Variants in KHSRP observed in about 807,000 individuals in gnomAD.
The protein encoded by KHSRP is KH-type splicing regulatory protein, also known as far upstream element-binding protein 2.
Under a neutral mutation model 94.9 loss-of-function variants are expected in KHSRP, and 13 were observed. The observed-to-expected ratio is 0.14, with a 90% CI of 0.09 to 0.22. The LOEUF (loss-of-function observed/expected upper bound fraction) is 0.22. Ranked by LOEUF, KHSRP falls within the 10% of genes least tolerant of loss-of-function variation. The pLI, the probability that KHSRP is intolerant of heterozygous loss-of-function variation, is 1.00. For missense variants in KHSRP, 710 were observed against 1,010.0 expected, an observed-to-expected ratio of 0.70 and a Z score of 4.03; for synonymous variants, 495 against 401.4, an observed-to-expected ratio of 1.23 and a Z score of -2.79.
In KHSRP at chr19:6,414,265, C is replaced by A; in HGVS notation, c.*759G>T. ...CCTGCGCTGGCTCAGGCTGGAAGGACGTGCTTGTTAACTGTCTAGCCAGGT... is the reference window on the plus strand; with the variant it reads ...CCTGCGCTGGCTCAGGCTGGAAGGAAGTGCTTGTTAACTGTCTAGCCAGGT... On this transcript the variant is annotated 3_prime_UTR_variant, in exon 19 of 19. Coordinates refer to ENST00000600480, the MANE Select transcript of KHSRP (RefSeq NM_001366299.1). 1.4e-6 allele frequency: 2 copies of A among 1,457,428 alleles called. No individual in the cohort carries two copies. The highest frequency in any genetic ancestry group is 1.4e-5 in the South Asian group (1 of 69,686). 90.3% of individuals were successfully genotyped at this position (1,457,428 alleles called of 1,614,324 possible). A position where few individuals can be genotyped will look rare whatever the true frequency, so the allele number is the denominator to read the frequency against.
intron 15 of KHSRP, 67 bp downstream of exon 15, chr19:6,416,231 T>A: frequency 3.1e-6 from 4 of 1,282,852 alleles, no homozygotes; most frequent in Non-Finnish European, 4.3e-6. Flanking sequence ...GGAAATGGGG[T>A]CTGCTATTCT....
At position 6,418,121 on chromosome 19, in the gene KHSRP, T is replaced by C; in HGVS notation, c.880-42A>G. On this transcript the variant is annotated intron_variant, in intron 9 of 18. Coordinates refer to ENST00000600480, the MANE Select transcript of KHSRP (RefSeq NM_001366299.1). This position sits in a 1 kb window ranked among gnomAD's most constrained non-coding sequence, Gnocchi z 4.3. ...AGCAGCCCCCATGGGTGAGCCCTGC[T>C]GCCCCACACCCCCCCACCTCCTCGG... 2 of 1,567,188 alleles carry C rather than the reference T, an allele frequency of 1.3e-6. No individual in the cohort carries two copies. The highest frequency in any genetic ancestry group is 1.8e-6 in the Non-Finnish European group (2 of 1,138,574).
At position 6,415,252 on chromosome 19, in the gene KHSRP, T is replaced by C; in HGVS notation, c.2016A>G (p.Pro672=). Residue 672 remains proline (P), a synonymous_variant, in exon 19 of 19, where the codon CCA becomes CCG. Coordinates refer to ENST00000600480, the MANE Select transcript of KHSRP (RefSeq NM_001366299.1). ...ATTCCGCCCAGGCGGCACTGTAGTCTGGCTGGGAGCCTGGGGGAGCTCCTG... is the reference window on the plus strand; with the variant it reads ...ATTCCGCCCAGGCGGCACTGTAGTCCGGCTGGGAGCCTGGGGGAGCTCCTG... ...GGPGAPPGSQ[P]DYSAAWAEYY... The C allele has an allele frequency of 6.2e-7, 1 of 1,612,920 alleles. No individual in the cohort carries two copies. Among genetic ancestry groups the C allele is most frequent in the Non-Finnish European group, 8.5e-7 (1 of 1,179,826 alleles).
chr19:6,417,385 C>T lies in KHSRP; in HGVS notation c.1082-298G>A, dbSNP rs188720963. Among the ~76,000 whole-genome samples the T allele has an allele frequency of 2.0e-3, 304 of 152,346 alleles. 1 individual carries two copies. Among genetic ancestry groups the T allele is most frequent in the African/African-American group, 6.7e-3 (279 of 41,582 alleles). ...AAAGCCAGAGGGGCCCTTCTCCCCA[C>T]GGCAGGCAGCTCAGAGACTGCCTGA... On this transcript the variant is annotated intron_variant, in intron 11 of 18. Transcript: ENST00000600480.
intron 4 of KHSRP, 110 bp downstream of exon 4, chr19:6,421,168 G>A: frequency 1.0e-6 from 1 of 996,744 alleles, no homozygotes; most frequent in East Asian, 2.6e-5. Context: ...CTGGCACTGG[G>A]GGATAAAACC....
chr19:6,417,849 G>C lies in KHSRP; in HGVS notation c.979-8C>G, dbSNP rs150345802. On this transcript the variant is annotated splice_region_variant and splice_polypyrimidine_tract_variant and intron_variant, in intron 10 of 18. Transcript: ENST00000600480. ...ATGCCTGGGCACTGGCACCTGGGGA[G>C]GGAGGCAGCAGCGTCAGCTCGGCCC... 1 of 1,612,910 alleles carries C rather than the reference G, an allele frequency of 6.2e-7. No homozygotes were observed.
intron 7 of KHSRP, 101 bp downstream of exon 7, chr19:6,419,102 A>T: frequency 8.1e-7 from 1 of 1,234,900 alleles, no homozygotes. Flanking sequence ...GCAAGAATGG[A>T]GGACATGGCG....
chr19:6,422,290 T>G (rs758599098), intron 2 of KHSRP, 50 bp downstream of exon 2: 69 of 1,304,036 alleles, frequency 5.3e-5, no homozygotes, highest in Admixed American at 8.5e-5. Context: ...AAGCACCTCT[T>G]TAGGCCCCCA....
rs2092127735 is a variant in KHSRP, at chr19:6,414,587, C to A, written c.*437G>T. The A allele has an allele frequency of 2.0e-6, 2 of 1,015,918 alleles. No individual in the cohort carries two copies. The highest frequency in any genetic ancestry group is 2.4e-6 in the Non-Finnish European group (2 of 850,536). 62.9% of individuals were successfully genotyped at this position (1,015,918 alleles called of 1,614,324 possible). A position where few individuals can be genotyped will look rare whatever the true frequency, so the allele number is the denominator to read the frequency against. On this transcript the variant is annotated 3_prime_UTR_variant, in exon 19 of 19. Coordinates refer to ENST00000600480, the MANE Select transcript of KHSRP (RefSeq NM_001366299.1). ...GCATGGGAGGCTGAGCCCGGCGGGG[C>A]AGGGGCCTGGGCCGCTCCCCGCGTC...
intron 5 of KHSRP, 106 bp from the exon 6 acceptor site, chr19:6,420,250 C>T: frequency 8.6e-7 from 1 of 1,168,902 alleles, no homozygotes; most frequent in Non-Finnish European, 1.3e-6. Context: ...TTCAGGAGGG[C>T]AGCAGTCCTC....
At position 6,415,197 on chromosome 19, in the gene KHSRP, G is replaced by A; in HGVS notation, c.2071C>T (p.Gln691Ter). 6.2e-7 allele frequency: 1 copy of A among 1,611,734 alleles called. No individual in the cohort carries two copies. The highest frequency in any genetic ancestry group is 8.5e-7 in the Non-Finnish European group (1 of 1,179,792). The change falls in exon 19 of 19, where the codon CAG (glutamine) becomes TAG (stop). Residue 691 changes from glutamine (Q) to a stop codon, truncating the protein, a stop_gained. Coordinates refer to ENST00000600480, the MANE Select transcript of KHSRP (RefSeq NM_001366299.1). LOFTEE classifies it high-confidence loss of function. ...TGGGGGCCGCCAGGACCTGGGGTCT[G>A]TCCGTAGTAAGCGGCCTGCTGTCTG... The part of the protein sequence containing the change: ...YYRQQAAYYG[Q>*]TPGPGGPQPP...
chr19:6,414,970 G>A lies in KHSRP; in HGVS notation c.*54C>T. 1 of 1,435,736 alleles carries A rather than the reference G, an allele frequency of 7.0e-7. No homozygotes were observed. The highest frequency in any genetic ancestry group is 9.1e-7 in the Non-Finnish European group (1 of 1,100,532). The allele number at this position is 1,435,736 out of a possible 1,614,324, so 88.9% of individuals were successfully genotyped here. ...TCTGGACCCAGCGAATGCTTCCCTG[G>A]CGGTGCGTGGGGACTCCCGGAGACC... On this transcript the variant is annotated 3_prime_UTR_variant, in exon 19 of 19. Transcript: ENST00000600480.
intron 6 of KHSRP, among the ~76,000 whole-genome samples, chr19:6,419,832 C>T (rs546261591): frequency 6.6e-6 from 1 of 152,264 alleles, no homozygotes; most frequent in Admixed American, 6.5e-5. Context: ...GGCCCCTGTG[C>T]GAAATGCTAG....
In KHSRP at chr19:6,413,417, T is replaced by G. The variant is rs879929660; in HGVS notation, c.*1607A>C. On this transcript the variant is annotated 3_prime_UTR_variant, in exon 19 of 19. Coordinates refer to ENST00000600480, the MANE Select transcript of KHSRP (RefSeq NM_001366299.1). ...AAAAGTAAAAACTGCCATACAATTT[T>G]TTTTGTTGTTCTCATTTTGTTTTCA... is the stretch of plus-strand genomic sequence containing the variant. 11 of 414,592 alleles carry G rather than the reference T, an allele frequency of 2.7e-5. No homozygotes were observed. Among genetic ancestry groups the G allele is most frequent in the Non-Finnish European group, 4.7e-5 (10 of 210,660 alleles). 25.7% of individuals were successfully genotyped at this position (414,592 alleles called of 1,614,324 possible).
At chr19:6,416,159 C>T (rs1191741184) in intron 15 of KHSRP, 139 bp downstream of exon 15, 1 of 689,352 alleles carries the variant, frequency 1.5e-6, no homozygotes, top group African/African-American at 1.8e-5. Flanking sequence ...AGGAGAGGGC[C>T]TGTTGATGGT....
intron 1 of KHSRP, chr19:6,424,156 G>A (rs1232914778): frequency 1.3e-5 from 2 of 152,152 alleles, no homozygotes; most frequent in Non-Finnish European, 2.9e-5. Context: ...ATGTCCTAAG[G>A]CCGGGGGGCT....
chr19:6,424,399 TC>T, intron 1 of KHSRP, 53 bp downstream of exon 1: 1 of 664,476 alleles, frequency 1.5e-6, no homozygotes, highest in Non-Finnish European at 1.8e-6. Context: ...CCCCGCCCCC[TC>T]CCCCGCCTGC....
At position 6,414,293 on chromosome 19, in the gene KHSRP, T is replaced by C; in HGVS notation, c.*731A>G. ...GCTTGTTAACTGTCTAGCCAGGTGC[T>C]CGCGGGACTCGCTGAAGTCACGCTG... On this transcript the variant is annotated 3_prime_UTR_variant, in exon 19 of 19. Coordinates refer to ENST00000600480, the MANE Select transcript of KHSRP (RefSeq NM_001366299.1). 1.4e-6 allele frequency: 2 copies of C among 1,393,936 alleles called. No individual in the cohort carries two copies. Among genetic ancestry groups the C allele is most frequent in the Non-Finnish European group, 1.9e-6 (2 of 1,066,718 alleles). 86.3% of individuals were successfully genotyped at this position (1,393,936 alleles called of 1,614,324 possible). A position where few individuals can be genotyped will look rare whatever the true frequency, so the allele number is the denominator to read the frequency against.
Position 6,424,754 on chromosome 19 carries a change from G to T in KHSRP, c.-53C>A. 1.2e-6 allele frequency: 1 copy of T among 839,256 alleles called. No homozygotes were observed. Among genetic ancestry groups the T allele is most frequent in the Non-Finnish European group, 1.5e-6 (1 of 682,396 alleles). The allele number at this position is 839,256 out of a possible 1,614,324, so 52.0% of individuals were successfully genotyped here. The stretch of plus-strand genomic sequence containing the variant: ...AGGCTGAAGCTGAGGAGGCGGCGGC[G>T]GCGGCGGCGGCTCAACGCGGGAACA... On this transcript the variant is annotated 5_prime_UTR_variant, in exon 1 of 19. Coordinates refer to ENST00000600480, the MANE Select transcript of KHSRP (RefSeq NM_001366299.1).
Sources: gnomAD v4.1 joint callset for allele counts (sites outside exome capture counted in the v4.1 genomes callset) on GRCh38, gnomAD v4.1.1 for gene constraint, Gnocchi (gnomAD v3.1) non-coding constraint, MANE v1.5 for transcripts, NCBI Gene and HGNC (gene_info 2026-07-23, HGNC 2026-07-21) for gene names.